The following EMC2 variants were observed in gnomAD, a reference collection of about 807,000 sequenced individuals.
The protein encoded by EMC2 is ER membrane protein complex subunit 2.
In EMC2, 37 loss-of-function variants were observed where a neutral mutation model predicts 51.6. That is an observed-to-expected ratio of 0.72 (90% CI 0.55 to 0.94). The LOEUF (loss-of-function observed/expected upper bound fraction) is 0.94. Among genes scored for constraint, EMC2 ranks in the 40% least tolerant of loss-of-function variants. The pLI is 0.00. For missense variants in EMC2, 359 were observed against 350.9 expected (o/e 1.02, Z -0.18); for synonymous variants, 131 against 112.4 (o/e 1.17, Z -1.04).
rs190847201 is a variant in EMC2 at position 108,470,298 on chromosome 8, A to G, written c.509+177A>G. On this transcript the variant is annotated intron_variant, in intron 7 of 10. Transcript: ENST00000220853. ...ACAAATCAGTAATTCACTGGTCATAATAAGTGAATAGCTTTAACTAGGTCA... is the reference window on the plus strand; with the variant it reads ...ACAAATCAGTAATTCACTGGTCATAGTAAGTGAATAGCTTTAACTAGGTCA... 4.7e-3 allele frequency among the ~76,000 whole-genome samples: 720 copies of G among 152,300 alleles called. 4 individuals are homozygous for G. The highest frequency in any genetic ancestry group is 0.015 in the African/African-American group (641 of 41,580).
At chr8:108,461,142 G>T (rs1481162838) in intron 5 of EMC2, among the ~76,000 whole-genome samples, 3 of 152,208 alleles carry the variant, frequency 2.0e-5, no homozygotes, top group Admixed American at 2.0e-4. Context: ...TCAAAGGCGG[G>T]AAAGTCTAGT....
At chr8:108,475,819 G>T in intron 7 of EMC2, 63 bp from the exon 8 acceptor site, 2 of 869,262 alleles carry the variant, frequency 2.3e-6, no homozygotes, top group Admixed American at 2.3e-5. Context: ...ATTATTTCAA[G>T]GTTTAACTAA....
intron 1 of EMC2, among the ~76,000 whole-genome samples, chr8:108,448,933 C>T (rs559175510): frequency 6.6e-6 from 1 of 151,824 alleles, no homozygotes; most frequent in Non-Finnish European, 1.5e-5. Context: ...TTAAGTTGTT[C>T]TTCTGTACCT....
chr8:108,466,897 G>T (rs1426990194), intron 5 of EMC2, among the ~76,000 whole-genome samples: 1 of 151,964 alleles, frequency 6.6e-6, no homozygotes, highest in African/African-American at 2.4e-5. Context: ...ATAAGCTGCT[G>T]GACTCTTTAT....
At chr8:108,450,886 G>A (rs188974273) in intron 3 of EMC2, among the ~76,000 whole-genome samples, 3 of 152,100 alleles carry the variant, frequency 2.0e-5, no homozygotes, top group Admixed American at 1.3e-4. Flanking sequence ...AAATCCCGAC[G>A]TATAGAACAT....
intron 5 of EMC2, among the ~76,000 whole-genome samples, chr8:108,466,442 A>ATTATTTTTTTTTTT (rs1819467176): frequency 5.5e-5 from 5 of 91,036 alleles, no homozygotes; most frequent in African/African-American, 1.9e-4. Context: ...CTATGATAGA[A>ATTATTTTTTTTTTT]TTTTTTTTTT....
At chr8:108,464,783 ACC>A (rs1819427805) in intron 5 of EMC2, among the ~76,000 whole-genome samples, 1 of 152,176 alleles carries the variant, frequency 6.6e-6, no homozygotes, top group Non-Finnish European at 1.5e-5. Context: ...TGCTGAATAC[ACC>A]CGAGTGCACA....
chr8:108,449,223 T>C (rs368061134), intron 1 of EMC2, among the ~76,000 whole-genome samples: 7 of 151,440 alleles, frequency 4.6e-5, no homozygotes, highest in African/African-American at 9.7e-5. Flanking sequence ...AGTGATCCTC[T>C]CACGTCAGTC....
At chr8:108,469,113 A>C (rs899699034) in intron 5 of EMC2, among the ~76,000 whole-genome samples, 1 of 151,970 alleles carries the variant, frequency 6.6e-6, no homozygotes, top group Non-Finnish European at 1.5e-5. Flanking sequence ...TAACTTTTTT[A>C]TTTGATACGT....
chr8:108,466,056 A>G (rs928922373), intron 5 of EMC2, among the ~76,000 whole-genome samples: 2 of 152,206 alleles, frequency 1.3e-5, no homozygotes, highest in African/African-American at 2.4e-5. Context: ...CACTTTACAT[A>G]TATTATCCCA....
chr8:108,446,267 T>C (rs1248353877), intron 1 of EMC2: 1 of 423,090 alleles, frequency 2.4e-6, no homozygotes, highest in Admixed American at 2.6e-5. Flanking sequence ...TAATGAAGTA[T>C]AGTTCCAGTC....
intron 1 of EMC2, among the ~76,000 whole-genome samples, chr8:108,445,309 CTG>C (rs1298878902): frequency 6.6e-6 from 1 of 152,224 alleles, no homozygotes; most frequent in South Asian, 2.1e-4. Flanking sequence ...TGTCCTTCCT[CTG>C]TATGATCTGG....
chr8:108,468,297 T>C (rs563806757), intron 5 of EMC2, among the ~76,000 whole-genome samples: 2 of 152,316 alleles, frequency 1.3e-5, no homozygotes, highest in South Asian at 4.1e-4. Context: ...TTCTTCTGAG[T>C]TCTTGAGACT....
chr8:108,462,905 T>C (rs1226647628), intron 5 of EMC2, among the ~76,000 whole-genome samples: 1 of 151,926 alleles, frequency 6.6e-6, no homozygotes, highest in Non-Finnish European at 1.5e-5. Flanking sequence ...TCTTTTAATA[T>C]TCTTAAACAG....
chr8:108,481,204 T>A (rs1461554255), intron 10 of EMC2, among the ~76,000 whole-genome samples: 1 of 152,114 alleles, frequency 6.6e-6, no homozygotes, highest in Non-Finnish European at 1.5e-5. Context: ...TGTTGTTCGT[T>A]TTTGCCCTTC....
chr8:108,470,018 C>A, intron 6 of EMC2, 44 bp from the exon 7 acceptor site: 2 of 1,570,304 alleles, frequency 1.3e-6, no homozygotes, highest in Non-Finnish European at 1.8e-6. Flanking sequence ...TGTTCATTTA[C>A]AGAATATCTA....
intron 10 of EMC2, 59 bp downstream of exon 10, chr8:108,479,169 TAC>T: frequency 2.1e-6 from 2 of 945,050 alleles, no homozygotes; most frequent in Non-Finnish European, 3.1e-6. Context: ...TTAGTTTTGT[TAC>T]TACAAACTAC....
At chr8:108,472,756 A>G (rs1404598110) in intron 7 of EMC2, among the ~76,000 whole-genome samples, 2 of 152,034 alleles carry the variant, frequency 1.3e-5, no homozygotes, top group African/African-American at 2.4e-5. Flanking sequence ...ACACAGTGGC[A>G]AAAACGTAGC....
chr8:108,455,930 T>A lies in EMC2; in HGVS notation c.363T>A (p.Thr121=). 1 of 1,339,902 alleles carries A rather than the reference T, an allele frequency of 7.5e-7. No individual in the cohort carries two copies. The highest frequency in any genetic ancestry group is 1.0e-6 in the Non-Finnish European group (1 of 987,972). The allele number at this position is 1,339,902 out of a possible 1,614,324, so 83.0% of individuals were successfully genotyped here. ...TTTTACAAGAAGATCCAACTAACAC[T>A]GTAAGTTGGCAGATTGTCTTGAAAA... The part of the protein sequence containing the change: ...DRILQEDPTN[T]AARKRKIAIR... Residue 121 remains threonine (T), a splice_region_variant and synonymous_variant, in exon 5 of 11, where the codon ACT becomes ACA. Transcript: ENST00000220853.
Sources: gnomAD v4.1 joint callset for allele counts (sites outside exome capture counted in the v4.1 genomes callset) on GRCh38, gnomAD v4.1.1 for gene constraint, MANE v1.5 for transcripts, NCBI Gene and HGNC (gene_info 2026-07-23, HGNC 2026-07-21) for gene names.